LHPP: variants seen among roughly 807,000 people sequenced by gnomAD.
The protein encoded by LHPP is phospholysine phosphohistidine inorganic pyrophosphate phosphatase.
LHPP carries 24 observed loss-of-function variants against 30.3 expected under a neutral mutation model. The observed-to-expected ratio is 0.79, with a 90% confidence interval of 0.57 to 1.11. The LOEUF is 1.11. Ranked by LOEUF, LHPP falls within the 50% of genes most tolerant of loss-of-function variation. LHPP has a pLI of 0.00. For missense variants in LHPP, 356 were observed against 367.2 expected, an observed-to-expected ratio of 0.97 and a Z score of 0.25; for synonymous variants, 150 against 157.1, an observed-to-expected ratio of 0.95 and a Z score of 0.34.
chr10:124,508,328 G>A (rs914884236), intron 5 of LHPP, among the ~76,000 whole-genome samples: 1 of 152,290 alleles, frequency 6.6e-6, no homozygotes, highest in African/African-American at 2.4e-5. Flanking sequence ...GAGCAGGCTG[G>A]CCTGCTGGGC....
At chr10:124,469,821 A>C (rs1952675054) in intron 1 of LHPP, among the ~76,000 whole-genome samples, 1 of 152,098 alleles carries the variant, frequency 6.6e-6, no homozygotes, top group African/African-American at 2.4e-5. Context: ...GGAAGGCTAG[A>C]GCATCTGAGA....
chr10:124,561,582 C>T (rs1351800044), intron 6 of LHPP, among the ~76,000 whole-genome samples: 1 of 151,910 alleles, frequency 6.6e-6, no homozygotes, highest in Non-Finnish European at 1.5e-5. Context: ...ATGAGGGATT[C>T]CTGCACCTCC....
Position 124,498,366 on chromosome 10 carries a change from G to A in LHPP, c.624+238G>A, listed in dbSNP as rs74160916. ...GAAAGCAAGAAGCAGAAATGCCTGC[G>A]GCTTTTCCTGAGTTTTTGCTGCTTC... is the stretch of plus-strand genomic sequence containing the variant. On this transcript the variant is annotated intron_variant, in intron 5 of 6. Coordinates refer to ENST00000368842, the MANE Select transcript of LHPP (RefSeq NM_022126.4). 2.2e-3 allele frequency: 3,466 copies of A among 1,560,112 alleles called. 64 individuals carry two copies. In the African/African-American group the frequency reaches 0.04, roughly 18 times the overall value.
intron 6 of LHPP, among the ~76,000 whole-genome samples, chr10:124,572,675 AAAG>A (rs1002649453): frequency 1.1e-4 from 17 of 151,190 alleles, no homozygotes; most frequent in Middle Eastern, 3.4e-3. Context: ...AAAAGAAAAA[AAAG>A]AAGGAAGGGA....
chr10:124,596,547 G>A lies in LHPP; in HGVS notation c.717-16717G>A, dbSNP rs1004662893. 2.0e-5 allele frequency among the ~76,000 whole-genome samples: 3 copies of A among 152,174 alleles called. No individual in the cohort carries two copies. Among genetic ancestry groups the A allele is most frequent in the Non-Finnish European group, 4.4e-5 (3 of 68,026 alleles). ...GGCCGGCGCTCATAAGCAGTCCCGT[G>A]TGAATCCTTGGAGAGCTGTGGAGGT... is the stretch of plus-strand genomic sequence containing the variant. On this transcript the variant is annotated intron_variant, in intron 6 of 6. Transcript: ENST00000368842. This position sits in a 1 kb window ranked among gnomAD's most constrained non-coding sequence, Gnocchi z 4.6.
At chr10:124,557,126 A>G (rs2133966584) in intron 6 of LHPP, among the ~76,000 whole-genome samples, 1 of 152,286 alleles carries the variant, frequency 6.6e-6, no homozygotes, top group South Asian at 2.1e-4. Flanking sequence ...CAGGGTTCAA[A>G]TCCCCACTCG....
chr10:124,548,002 G>A (rs967541890), intron 6 of LHPP, among the ~76,000 whole-genome samples: 9 of 152,228 alleles, frequency 5.9e-5, no homozygotes, highest in African/African-American at 9.6e-5. Context: ...AGCCTGGGCC[G>A]GGGTGTGTTT....
At chr10:124,580,907 C>T (rs559570487) in intron 6 of LHPP, among the ~76,000 whole-genome samples, 25 of 152,116 alleles carry the variant, frequency 1.6e-4, no homozygotes, top group African/African-American at 4.3e-4. Flanking sequence ...TTAGTAGAGA[C>T]GGGGTTTCGC....
intron 6 of LHPP, among the ~76,000 whole-genome samples, chr10:124,522,728 C>T (rs74781925): frequency 8.1e-5 from 12 of 148,430 alleles, no homozygotes; most frequent in African/African-American, 2.1e-4. Context: ...CCCACGCCCC[C>T]CCCCAAGCAC....
chr10:124,525,974 A>G (rs1323212736), intron 6 of LHPP, among the ~76,000 whole-genome samples: 1 of 152,134 alleles, frequency 6.6e-6, no homozygotes, highest in Non-Finnish European at 1.5e-5. Context: ...AGGTGGCTGC[A>G]GAGTGAGGCC....
chr10:124,471,050 C>A (rs1361464058), intron 1 of LHPP, among the ~76,000 whole-genome samples: 1 of 152,062 alleles, frequency 6.6e-6, no homozygotes, highest in African/African-American at 2.4e-5. Flanking sequence ...TTCTCACCAG[C>A]CTGTGAATAT....
intron 6 of LHPP, among the ~76,000 whole-genome samples, chr10:124,550,927 A>G (rs1005152715): frequency 1.3e-5 from 2 of 152,186 alleles, no homozygotes; most frequent in East Asian, 1.9e-4. Context: ...AGGCTGGTCC[A>G]GGTGGTGGAC....
intron 6 of LHPP, among the ~76,000 whole-genome samples, chr10:124,600,284 T>G (rs929783826): frequency 1.6e-4 from 25 of 152,232 alleles, no homozygotes; most frequent in African/African-American, 5.1e-4. Flanking sequence ...TTTGTTTCTG[T>G]TACTGGCACC....
At chr10:124,488,219 C>A (rs149890930) in intron 2 of LHPP, among the ~76,000 whole-genome samples, 45 of 152,294 alleles carry the variant, frequency 3.0e-4, no homozygotes, top group African/African-American at 3.8e-4. Flanking sequence ...TCCTCATAAG[C>A]CCTCTCTGAG....
intron 3 of LHPP, among the ~76,000 whole-genome samples, chr10:124,495,627 C>T (rs931438835): frequency 3.3e-5 from 5 of 152,154 alleles, no homozygotes; most frequent in African/African-American, 4.8e-5. Flanking sequence ...GGGCAGCTCC[C>T]GAGGAGCTCA....
intron 6 of LHPP, among the ~76,000 whole-genome samples, chr10:124,552,263 C>G (rs548700379): frequency 2.6e-4 from 39 of 152,262 alleles, no homozygotes; most frequent in African/African-American, 8.4e-4. Context: ...ATCCCCATTA[C>G]GGAAACGGAG....
intron 6 of LHPP, among the ~76,000 whole-genome samples, chr10:124,584,346 A>G (rs80011535): frequency 0.13 from 19,726 of 149,938 alleles, 1,764 homozygotes; most frequent in Non-Finnish European, 0.2. Flanking sequence ...CCTGGGCAAC[A>G]GAGCGAGACT....
rs1179015431 is a variant in LHPP at position 124,496,784 on chromosome 10, C to A, written c.468-177C>A. 1.3e-5 allele frequency among the ~76,000 whole-genome samples: 2 copies of A among 152,248 alleles called. No individual in the cohort carries two copies. The highest frequency in any genetic ancestry group is 6.5e-5 in the Admixed American group (1 of 15,290). ...CCACTGGGTGTGGCGGCCTGCCGCC[C>A]GGCTCTGTGGTGCTGGTCCCCTGCG... On this transcript the variant is annotated intron_variant, in intron 3 of 6. Transcript: ENST00000368842. The surrounding 1 kb of genome is among the most constrained non-coding windows in gnomAD (Gnocchi z 4.3).
chr10:124,511,409 G>A (rs1248015093), intron 5 of LHPP, among the ~76,000 whole-genome samples: 6 of 152,198 alleles, frequency 3.9e-5, no homozygotes, highest in Admixed American at 3.9e-4. Context: ...GGTGGGTGGA[G>A]GAAAGATCAG....
Sources: allele counts gnomAD v4.1 joint callset (sites outside exome capture counted in the v4.1 genomes callset), GRCh38; gene constraint gnomAD v4.1.1; non-coding constraint Gnocchi (gnomAD v3.1); transcripts MANE v1.5; gene names NCBI Gene and HGNC (gene_info 2026-07-23, HGNC 2026-07-21).